Variants in ULK1 observed in about 807,000 individuals in gnomAD.
The protein encoded by ULK1 is unc-51 like autophagy activating kinase 1, also known as serine/threonine-protein kinase ULK1.
Under a neutral mutation model 117.5 loss-of-function variants are expected in ULK1, and 48 were observed. The ratio of observed to expected loss-of-function variants is 0.41; its 90% confidence interval spans 0.32 to 0.52. ULK1 has a LOEUF of 0.52. ULK1 is among the 20% of genes least tolerant of loss of function. ULK1 has a pLI of 0.29. For synonymous variants in ULK1, 790 were observed against 637.8 expected (o/e 1.24, Z -3.60); for missense variants, 1,387 against 1,473.4 (o/e 0.94, Z 0.96).
chr12:131,914,316 AGTGTCTGTCATGATCCT>A lies in ULK1; in HGVS notation c.1248-34_1248-18del. On this transcript the variant is annotated intron_variant, in intron 15 of 27. Transcript: ENST00000321867. ...CATGACCTCAGCCTCTTGTGACCCC[AGTGTCTGTCATGATCCT>A]GACCTCTCTCCACCACAGCCGGGCT... 1 of 1,600,884 alleles carries A rather than the reference AGTGTCTGTCATGATCCT, an allele frequency of 6.2e-7. No individual in the cohort carries two copies. The highest frequency in any genetic ancestry group is 1.7e-4 in the Middle Eastern group (1 of 6,048).
intron 12 of ULK1, among the ~76,000 whole-genome samples, 186 bp downstream of exon 12, chr12:131,910,986 AC>A (rs1240882642): frequency 1.3e-5 from 2 of 152,310 alleles, no homozygotes; most frequent in East Asian, 3.9e-4. Context: ...CCCAACACCC[AC>A]AGCCCTCAGG....
Position 131,914,403 on chromosome 12 carries a change from A to C in ULK1, c.1299A>C (p.Pro433=). ...SSRCGASVPI[P]VPTQVQNYQR... ...GGTGCGGCGCCTCTGTCCCCATCCC[A>C]GTCCCCACGCAGGTGCAGAACTACC... Residue 433 remains proline (P), a synonymous_variant, in exon 16 of 28, where the codon CCA becomes CCC. Transcript: ENST00000321867. 3.1e-6 allele frequency: 5 copies of C among 1,612,642 alleles called. No individual in the cohort carries two copies. The highest frequency in any genetic ancestry group is 4.2e-6 in the Non-Finnish European group (5 of 1,179,958).
At chr12:131,899,792 AG>A (rs917546135) in intron 3 of ULK1, among the ~76,000 whole-genome samples, 5 of 152,206 alleles carry the variant, frequency 3.3e-5, no homozygotes, top group Admixed American at 3.3e-4. Flanking sequence ...GACATTGGGC[AG>A]GTAGCCTCCT....
At position 131,921,488 on chromosome 12, in the gene ULK1, C is replaced by G. The variant is rs978807401; in HGVS notation, c.*127C>G. The G allele has an allele frequency of 5.6e-6, 8 of 1,427,780 alleles. No homozygotes were observed. The highest frequency in any genetic ancestry group is 7.7e-6 in the Non-Finnish European group (8 of 1,037,194). 88.4% of individuals were successfully genotyped at this position (1,427,780 alleles called of 1,614,324 possible). Reference sequence around the variant, plus strand: ...GTGCTGAGCCCTGCCCTGGGCCCCACGGACAGTCAGCCTGCCGGCCTCCCT... The same window carrying G: ...GTGCTGAGCCCTGCCCTGGGCCCCAGGGACAGTCAGCCTGCCGGCCTCCCT... On this transcript the variant is annotated 3_prime_UTR_variant, in exon 28 of 28. Transcript: ENST00000321867.
chr12:131,913,809 C>T lies in ULK1; in HGVS notation c.1220C>T (p.Pro407Leu), dbSNP rs766990650. The T allele has an allele frequency of 6.4e-7, 1 of 1,568,256 alleles. No homozygotes were observed. The highest frequency in any genetic ancestry group is 1.2e-5 in the South Asian group (1 of 86,232). The change falls in exon 15 of 28, where the codon CCC becomes CTC. Residue 407 changes from proline (P) to leucine (L), a missense_variant. This residue lies in a region of ULK1 where 260 missense variants were observed against 271.6 expected (regional missense o/e 0.96). Coordinates refer to ENST00000321867, the MANE Select transcript of ULK1 (RefSeq NM_003565.4). The stretch of plus-strand genomic sequence containing the variant: ...GGCCGGACCCCATCTCCATCCCCAC[C>T]CTGCAGCAGCTCCCCCAGTCCCTCA... ...SHGRTPSPSP[P>L]CSSSPSPSGR... is the part of the protein sequence containing the mutation.
chr12:131,911,196 G>A (rs961345816), intron 12 of ULK1, among the ~76,000 whole-genome samples: 3 of 152,212 alleles, frequency 2.0e-5, no homozygotes, highest in Non-Finnish European at 2.9e-5. Context: ...TGTGACATGG[G>A]AGGGGTCTGC....
chr12:131,921,891 G>A lies in ULK1; in HGVS notation c.*530G>A, dbSNP rs751078104. On this transcript the variant is annotated 3_prime_UTR_variant, in exon 28 of 28. Coordinates refer to ENST00000321867, the MANE Select transcript of ULK1 (RefSeq NM_003565.4). ...ACCTCACCAGGGACTGCTGGGCAGC[G>A]ATTCCTGGCAGTGGCCTGGTGTTTG... The A allele has an allele frequency of 8.1e-5, 37 of 457,850 alleles. 2 individuals are homozygous for A. The highest frequency in any genetic ancestry group is 4.8e-4 in the South Asian group (31 of 64,580). The allele number at this position is 457,850 out of a possible 1,614,324, so 28.4% of individuals were successfully genotyped here. A position where few individuals can be genotyped will look rare whatever the true frequency, so the allele number is the denominator to read the frequency against.
Position 131,909,826 on chromosome 12 carries a change from GT to G in ULK1, c.719del (p.Val240AlafsTer143). Reference sequence around the variant, plus strand: ...GTTCTACGAGAAGAACAAGACGTTGGTCCCCACGTAAGCACCCTCCCGCCTT... The same window carrying G: ...GTTCTACGAGAAGAACAAGACGTTGGCCCCACGTAAGCACCCTCCCGCCTT... ...RLFYEKNKTL[V>X]PTIPRETSAP... On this transcript the variant is annotated frameshift_variant, in exon 9 of 28. Transcript: ENST00000321867. LOFTEE classifies it high-confidence loss of function. The G allele has an allele frequency of 6.2e-7, 1 of 1,611,568 alleles. No homozygotes were observed. The highest frequency in any genetic ancestry group is 8.5e-7 in the Non-Finnish European group (1 of 1,179,440).
At chr12:131,909,099 C>G in intron 7 of ULK1, 37 bp from the exon 8 acceptor site, 1 of 1,599,852 alleles carries the variant, frequency 6.3e-7, no homozygotes, top group Non-Finnish European at 8.5e-7. Flanking sequence ...GGTTGGCGTG[C>G]GGGGGCCTCA....
chr12:131,919,990 C>G lies in ULK1; in HGVS notation c.2815C>G (p.Leu939Val). 6.2e-7 allele frequency: 1 copy of G among 1,612,622 alleles called. No individual in the cohort carries two copies. The highest frequency in any genetic ancestry group is 2.2e-5 in the East Asian group (1 of 44,890). The stretch of plus-strand genomic sequence containing the variant: ...CTCGTCCTTTGCAGTGGTGCGCAGG[C>G]TGAATGAGCTGTACAAGGCCAGCGT... The part of the protein sequence containing the change: ...SSTVKQVVRR[L>V]NELYKASVVS... Residue 939 changes from leucine to valine, a missense_variant, in exon 26 of 28, where the codon CTG (leucine) becomes GTG (valine). Around this residue, in one of 4 missense-constraint regions of ULK1, gnomAD observed 900 missense variants for 858.9 expected, o/e 1.05. Transcript: ENST00000321867.
intron 14 of ULK1, among the ~76,000 whole-genome samples, 175 bp downstream of exon 14, chr12:131,913,433 C>T (rs1238350826): frequency 6.6e-6 from 1 of 150,880 alleles, no homozygotes; most frequent in Non-Finnish European, 1.5e-5. Flanking sequence ...TGGTGGCTCA[C>T]GCCTGTAATC....
intron 26 of ULK1, chr12:131,920,612 C>T: frequency 5.2e-6 from 1 of 191,196 alleles, no homozygotes; most frequent in South Asian, 1.1e-4. Flanking sequence ...GCACTGTTGC[C>T]CAGGCTGAAG....
intron 23 of ULK1, 65 bp downstream of exon 23, chr12:131,918,746 C>T (rs116896670): frequency 2.6e-5 from 12 of 460,768 alleles, no homozygotes; most frequent in Admixed American, 6.3e-5. Flanking sequence ...TGTGGGGTGT[C>T]GGGTGTGTGG....
In ULK1 at chr12:131,915,906, A is replaced by C. The variant is rs773065631; in HGVS notation, c.1625A>C (p.Glu542Ala). 2.5e-6 allele frequency: 4 copies of C among 1,611,344 alleles called. No homozygotes were observed. The highest frequency in any genetic ancestry group is 3.4e-6 in the Non-Finnish European group (4 of 1,179,822). ...RSPRPGSSAP[E>A]HSPRTSGLGC... ...CTCTCTCTAGGCTCCTCTGCACCCG[A>C]GCACTCTCCCCGCACTTCCGGGCTG... The change falls in exon 19 of 28, where the codon GAG becomes GCG. Residue 542 changes from glutamate (E) to alanine (A), a missense_variant. This residue lies in a region of ULK1 where 900 missense variants were observed against 858.9 expected (regional missense o/e 1.05). Transcript: ENST00000321867.
chr12:131,904,254 C>G (rs1267266971), intron 3 of ULK1, among the ~76,000 whole-genome samples: 1 of 152,222 alleles, frequency 6.6e-6, no homozygotes, highest in South Asian at 2.1e-4. Flanking sequence ...GCCTAAGCCA[C>G]CCTCCCACCT....
chr12:131,916,226 C>G lies in ULK1; in HGVS notation c.1878+67C>G. ...GGAAGATGTGTGGGAATGGCCAGTC[C>G]TGAACAAAGACCGAGGAAGGCAGCT... On this transcript the variant is annotated intron_variant, in intron 19 of 27. Transcript: ENST00000321867. 2.5e-6 allele frequency: 4 copies of G among 1,570,054 alleles called. No homozygotes were observed. In the East Asian group the frequency reaches 6.8e-5, roughly 27 times the overall value.
intron 3 of ULK1, among the ~76,000 whole-genome samples, chr12:131,900,913 T>C (rs1889059940): frequency 6.6e-6 from 1 of 151,826 alleles, no homozygotes; most frequent in Non-Finnish European, 1.5e-5. Flanking sequence ...GTCTGCAGTG[T>C]GAGTTGGGGC....
chr12:131,900,769 CAA>C (rs1378708314), intron 3 of ULK1, among the ~76,000 whole-genome samples: 1 of 152,230 alleles, frequency 6.6e-6, no homozygotes, highest in Admixed American at 6.5e-5. Context: ...AGACCTGAGT[CAA>C]GAGGTGTCCA....
intron 15 of ULK1, 27 bp downstream of exon 15, chr12:131,913,863 T>A (rs1380838935): frequency 1.3e-6 from 2 of 1,488,580 alleles, no homozygotes; most frequent in Non-Finnish European, 1.8e-6. Flanking sequence ...GCTGGGTGGA[T>A]GGGGCTGTGA....
Sources: allele counts gnomAD v4.1 joint callset (sites outside exome capture counted in the v4.1 genomes callset), GRCh38; gene constraint gnomAD v4.1.1; regional missense constraint gnomAD v4.1.1; transcripts MANE v1.5; gene names NCBI Gene and HGNC (gene_info 2026-07-23, HGNC 2026-07-21).